CFAP299: variants seen among roughly 807,000 people sequenced by gnomAD.
CFAP299 encodes the protein cilia- and flagella-associated protein 299.
A neutral mutation model predicts 27.0 loss-of-function variants in CFAP299; 21 were observed. The ratio of observed to expected loss-of-function variants is 0.78; its 90% CI spans 0.55 to 1.12. CFAP299 has a LOEUF of 1.12. CFAP299 is among the 50% of genes most tolerant of loss of function. The pLI is 0.00. For synonymous variants in CFAP299, 104 were observed against 98.1 expected (o/e 1.06, Z -0.36); for missense variants, 310 against 276.6 (o/e 1.12, Z -0.86).
At chr4:80,891,574 T>A (rs1212022316) in intron 4 of CFAP299, among the ~76,000 whole-genome samples, 8 of 102,166 alleles carry the variant, frequency 7.8e-5, no homozygotes, top group Admixed American at 2.3e-4. Flanking sequence ...ATGAGATCAC[T>A]TGGACACAGG....
At chr4:80,925,274 A>G (rs947976829) in intron 4 of CFAP299, among the ~76,000 whole-genome samples, 9 of 151,850 alleles carry the variant, frequency 5.9e-5, no homozygotes, top group Admixed American at 2.0e-4. Context: ...GTATCTTCCT[A>G]GGGTTCATCA....
intron 1 of CFAP299, among the ~76,000 whole-genome samples, chr4:80,353,603 C>A (rs1206000485): frequency 2.6e-5 from 4 of 152,176 alleles, no homozygotes. Flanking sequence ...TATCTTGAGT[C>A]AAGTAGCTGT....
chr4:80,893,505 A>G (rs1275404465), intron 4 of CFAP299, among the ~76,000 whole-genome samples: 1 of 151,946 alleles, frequency 6.6e-6, no homozygotes, highest in Non-Finnish European at 1.5e-5. Context: ...GTATGATGCT[A>G]GCATAAAAAC....
At chr4:80,905,511 C>T (rs906863202) in intron 4 of CFAP299, among the ~76,000 whole-genome samples, 6 of 152,118 alleles carry the variant, frequency 3.9e-5, no homozygotes, top group African/African-American at 1.2e-4. Flanking sequence ...TGCATACACA[C>T]AGCAGTAATA....
At chr4:80,799,894 T>TATATATAA (rs1172737030) in intron 3 of CFAP299, among the ~76,000 whole-genome samples, 6 of 39,088 alleles carry the variant, frequency 1.5e-4, no homozygotes, top group African/African-American at 7.2e-4. Context: ...AATATATAAA[T>TATATATAA]TATATATTAT....
intron 3 of CFAP299, among the ~76,000 whole-genome samples, chr4:80,719,959 G>T (rs1406131552): frequency 6.6e-6 from 1 of 151,822 alleles, no homozygotes; most frequent in African/African-American, 2.4e-5. Context: ...AAAGGACACT[G>T]GTTTCTGAGA....
intron 2 of CFAP299, among the ~76,000 whole-genome samples, chr4:80,462,226 A>G (rs887574237): frequency 1.3e-5 from 2 of 152,174 alleles, no homozygotes; most frequent in East Asian, 1.9e-4. Context: ...CCCTTAGTAT[A>G]TAGTCAGTCA....
At chr4:80,562,517 C>G (rs188490862) in intron 2 of CFAP299, among the ~76,000 whole-genome samples, 25 of 151,158 alleles carry the variant, frequency 1.7e-4, no homozygotes, top group African/African-American at 4.9e-4. Flanking sequence ...TAGGCTCTAA[C>G]CAGCTTAACA....
At chr4:80,756,341 T>A (rs1725238934) in intron 3 of CFAP299, among the ~76,000 whole-genome samples, 1 of 152,074 alleles carries the variant, frequency 6.6e-6, no homozygotes, top group African/African-American at 2.4e-5. Flanking sequence ...TGAAAATATA[T>A]TTAAGCAAAT....
chr4:80,390,514 CAT>C (rs1725277110), intron 2 of CFAP299, among the ~76,000 whole-genome samples: 1 of 38,094 alleles, frequency 2.6e-5, no homozygotes, highest in Non-Finnish European at 6.7e-5. Flanking sequence ...TATATACACA[CAT>C]ATATGTATAT....
At chr4:80,861,340 A>G (rs1732341423) in intron 3 of CFAP299, among the ~76,000 whole-genome samples, 1 of 151,946 alleles carries the variant, frequency 6.6e-6, no homozygotes, top group Admixed American at 6.5e-5. Context: ...AGGAACGGGA[A>G]CTCCCTGACC....
chr4:80,935,289 A>T (rs1306586391), intron 4 of CFAP299, among the ~76,000 whole-genome samples: 3 of 152,124 alleles, frequency 2.0e-5, no homozygotes, highest in African/African-American at 7.2e-5. Context: ...AGCTGGAGGC[A>T]TCACATTACC....
At chr4:80,797,974 A>G (rs1418578837) in intron 3 of CFAP299, among the ~76,000 whole-genome samples, 1 of 152,172 alleles carries the variant, frequency 6.6e-6, no homozygotes, top group Non-Finnish European at 1.5e-5. Context: ...CATTAAATGC[A>G]GAGTCCCTAC....
chr4:80,427,244 A>G (rs2110075181), intron 2 of CFAP299, among the ~76,000 whole-genome samples: 1 of 152,310 alleles, frequency 6.6e-6, no homozygotes, highest in African/African-American at 2.4e-5. Context: ...TAACCATATA[A>G]TTCCTTTCCA....
intron 2 of CFAP299, among the ~76,000 whole-genome samples, chr4:80,519,667 A>G (rs563661003): frequency 6.6e-6 from 1 of 152,330 alleles, no homozygotes; most frequent in South Asian, 2.1e-4. Context: ...TCGTAGATCC[A>G]TGTTCAATAA....
At chr4:80,369,250 CATACAG>C (rs1724011014) in intron 2 of CFAP299, among the ~76,000 whole-genome samples, 1 of 151,720 alleles carries the variant, frequency 6.6e-6, no homozygotes. Context: ...CATCTTGTAA[CATACAG>C]ATCTACTTCA....
At position 80,689,197 on chromosome 4, in the gene CFAP299, C is replaced by T. The variant is rs1032754876; in HGVS notation, c.333+106014C>T. ...GATTCAGGAAATACAGAGAACTCCA[C>T]AAAGATACTCCTCGAGAAGAGCAAC... On this transcript the variant is annotated intron_variant, in intron 3 of 5. Transcript: ENST00000358105. Among the ~76,000 whole-genome samples the T allele has an allele frequency of 3.9e-5, 6 of 152,202 alleles. 1 individual carries two copies. The highest frequency in any genetic ancestry group is 6.5e-5 in the Admixed American group (1 of 15,286).
At position 80,362,950 on chromosome 4, in the gene CFAP299, C is replaced by T. The variant is rs767512913; in HGVS notation, c.242+66C>T. 2.9e-5 allele frequency: 43 copies of T among 1,488,068 alleles called. No homozygotes were observed. The Admixed American group carries it at 6.0e-4, about 21-fold the overall frequency. The allele number at this position is 1,488,068 out of a possible 1,614,324, so 92.2% of individuals were successfully genotyped here. On this transcript the variant is annotated intron_variant, in intron 2 of 5. Transcript: ENST00000358105. The stretch of plus-strand genomic sequence containing the variant: ...CTAGACCTCTGGAGTAATTCAATTT[C>T]GTTTGCATTGTTTAATTTAGAAGCA...
chr4:80,388,703 A>G, intron 2 of CFAP299: 1 of 806,702 alleles, frequency 1.2e-6, no homozygotes, highest in Non-Finnish European at 2.1e-6. Flanking sequence ...GGCCTTAAAG[A>G]TCACCTGCAC....
Sources: gnomAD v4.1 joint callset for allele counts (sites outside exome capture counted in the v4.1 genomes callset) on GRCh38, gnomAD v4.1.1 for gene constraint, MANE v1.5 for transcripts, NCBI Gene and HGNC (gene_info 2026-07-23, HGNC 2026-07-21) for gene names.